NCOA6: variants seen among roughly 807,000 people sequenced by gnomAD.
NCOA6 encodes NRC RAP250.
In NCOA6, 49 loss-of-function variants were observed where a neutral mutation model predicts 171.4. That is an observed-to-expected ratio of 0.29 (90% CI 0.23 to 0.36). The LOEUF (loss-of-function observed/expected upper bound fraction) is 0.36. Among genes scored for constraint, NCOA6 ranks in the 10% least tolerant of loss-of-function variants. The pLI is 1.00. For synonymous variants in NCOA6, 910 were observed against 927.5 expected (o/e 0.98, Z 0.34); for missense variants, 2,248 against 2,554.5 (o/e 0.88, Z 2.59).
chr20:34,803,497 A>G (rs1483015648), intron 1 of NCOA6, among the ~76,000 whole-genome samples: 4 of 151,870 alleles, frequency 2.6e-5, no homozygotes, highest in Admixed American at 1.3e-4. Context: ...ACAAAAAAAC[A>G]AAGTGAAATG....
intron 1 of NCOA6, chr20:34,821,768 T>C (rs1205524155): frequency 6.6e-6 from 1 of 152,146 alleles, no homozygotes; most frequent in Non-Finnish European, 1.5e-5. Flanking sequence ...TTTGTATTTT[T>C]AGTAGAGATG....
intron 14 of NCOA6, among the ~76,000 whole-genome samples, chr20:34,719,886 T>C (rs1989107332): frequency 6.6e-6 from 1 of 152,246 alleles, no homozygotes; most frequent in Non-Finnish European, 1.5e-5. Flanking sequence ...TAAATGTATG[T>C]TCACTTGCAT....
At position 34,742,401 on chromosome 20, in the gene NCOA6, T is replaced by A. The variant is rs769062649; in HGVS notation, c.3855A>T (p.Gln1285His). The change falls in exon 11 of 15, where the codon CAA becomes CAT. Residue 1285 changes from glutamine to histidine, a missense_variant. Physicochemically the swap from Gln to His is conservative, Grantham distance 24. Transcript: ENST00000359003. The stretch of plus-strand genomic sequence containing the variant: ...GATTCATGGTAAGATTTGAAGGTGC[T>A]TGCCCGATGGCCTTCAAAGTTGTTG... Reference protein sequence around the residue: ...LNPTTLKAIGQAPSNLTMNPS... With the variant: ...LNPTTLKAIGHAPSNLTMNPS... 15 of 1,614,242 alleles carry A rather than the reference T, an allele frequency of 9.3e-6. No homozygotes were observed. The highest frequency in any genetic ancestry group is 5.0e-5 in the Admixed American group (3 of 60,024).
At chr20:34,758,982 G>A (rs370985960) in intron 5 of NCOA6, 49 bp from the exon 6 acceptor site, 4 of 1,549,508 alleles carry the variant, frequency 2.6e-6, no homozygotes, top group Middle Eastern at 1.9e-4. Flanking sequence ...CACAATTTTT[G>A]TTTTTTAATG....
chr20:34,822,243 T>C (rs1423896509), intron 1 of NCOA6, among the ~76,000 whole-genome samples: 1 of 152,170 alleles, frequency 6.6e-6, no homozygotes, highest in African/African-American at 2.4e-5. Flanking sequence ...TCGAAGATCT[T>C]GAATGCCTCT....
chr20:34,724,297 T>G (rs889410323), intron 14 of NCOA6, among the ~76,000 whole-genome samples: 2 of 152,200 alleles, frequency 1.3e-5, no homozygotes, highest in Non-Finnish European at 2.9e-5. Flanking sequence ...GATGGTACTT[T>G]GTACACCTCA....
At chr20:34,774,559 A>G (rs1450846559) in intron 4 of NCOA6, among the ~76,000 whole-genome samples, 1 of 152,200 alleles carries the variant, frequency 6.6e-6, no homozygotes, top group Non-Finnish European at 1.5e-5. Flanking sequence ...TCACTCCTAT[A>G]AACAAAATGA....
chr20:34,818,421 CACT>C (rs1452102821), intron 1 of NCOA6, among the ~76,000 whole-genome samples: 12 of 152,194 alleles, frequency 7.9e-5, no homozygotes, highest in African/African-American at 2.9e-4. Flanking sequence ...AAAGAAAAGC[CACT>C]ACTACTATTA....
chr20:34,747,164 T>TC (rs1294920436), intron 9 of NCOA6, among the ~76,000 whole-genome samples: 1 of 152,218 alleles, frequency 6.6e-6, no homozygotes, highest in Non-Finnish European at 1.5e-5. Context: ...CAGAATGCTT[T>TC]CCACAAATTC....
intron 1 of NCOA6, among the ~76,000 whole-genome samples, chr20:34,799,620 A>C (rs898786233): frequency 6.6e-6 from 1 of 152,236 alleles, no homozygotes; most frequent in African/African-American, 2.4e-5. Context: ...ATTTTAAAAA[A>C]TACAATGGAA....
chr20:34,806,832 T>C (rs193054079), intron 1 of NCOA6, among the ~76,000 whole-genome samples: 1 of 152,334 alleles, frequency 6.6e-6, no homozygotes, highest in Non-Finnish European at 1.5e-5. Context: ...AGTCAAGAAG[T>C]GTACTGCCTC....
At chr20:34,764,779 C>T (rs533251828) in intron 5 of NCOA6, among the ~76,000 whole-genome samples, 22 of 151,998 alleles carry the variant, frequency 1.4e-4, no homozygotes, top group Admixed American at 5.9e-4. Context: ...TCTGAGGAAT[C>T]GCACCTGGTT....
chr20:34,733,310 A>C (rs947958127), intron 12 of NCOA6, among the ~76,000 whole-genome samples: 1 of 152,148 alleles, frequency 6.6e-6, no homozygotes, highest in East Asian at 1.9e-4. Context: ...GATAGCAGTG[A>C]TCTATCCTGC....
chr20:34,749,396 A>T lies in NCOA6; in HGVS notation c.2792+7T>A. 2 of 1,580,528 alleles carry T rather than the reference A, an allele frequency of 1.3e-6. No homozygotes were observed. The highest frequency in any genetic ancestry group is 1.7e-6 in the Non-Finnish European group (2 of 1,163,482). ...ATAAAATTTGAGGCAAAACCATCAC[A>T]ACCTACTTTAGATCTTGCTGACTAT... On this transcript the variant is annotated splice_region_variant and intron_variant, in intron 9 of 14. Transcript: ENST00000359003.
In NCOA6 at chr20:34,736,710, T is replaced by C. The variant is rs2075970269; in HGVS notation, c.5942A>G (p.Gln1981Arg). 6 of 1,610,704 alleles carry C rather than the reference T, an allele frequency of 3.7e-6. No individual in the cohort carries two copies. The highest frequency in any genetic ancestry group is 5.1e-6 in the Non-Finnish European group (6 of 1,178,210). The part of the protein sequence containing the change: ...VSKETSTTAL[Q>R]ASVARPELEV... ...CTTACCTGGTCTGGCAACAGAGGCC[T>C]GCAGTGCTGTGGTTGAAGTTTCCTT... The change falls in exon 12 of 15, where the codon CAG becomes CGG. Residue 1981 changes from glutamine to arginine, a missense_variant. Gln to Arg is a conservative substitution (Grantham distance 43). Around this residue, in one of 7 missense-constraint regions of NCOA6, gnomAD observed 884 missense variants for 941.9 expected, o/e 0.94. Coordinates refer to ENST00000359003, the MANE Select transcript of NCOA6 (RefSeq NM_014071.5).
intron 13 of NCOA6, among the ~76,000 whole-genome samples, chr20:34,728,301 T>G (rs1429171199): frequency 5.3e-5 from 8 of 152,086 alleles, no homozygotes; most frequent in African/African-American, 1.4e-4. Context: ...CTTTTCTTAG[T>G]ATATGAAGAT....
At chr20:34,823,187 C>T (rs2079057370) in intron 1 of NCOA6, among the ~76,000 whole-genome samples, 1 of 151,910 alleles carries the variant, frequency 6.6e-6, no homozygotes, top group Non-Finnish European at 1.5e-5. Context: ...GAAAGGGGTC[C>T]ATGGCACAGA....
At chr20:34,759,737 A>G (rs1005609674) in intron 5 of NCOA6, among the ~76,000 whole-genome samples, 5 of 152,128 alleles carry the variant, frequency 3.3e-5, no homozygotes, top group Non-Finnish European at 5.9e-5. Flanking sequence ...CTTTATTCTT[A>G]TAATTTTGCA....
intron 5 of NCOA6, among the ~76,000 whole-genome samples, chr20:34,760,780 A>T (rs1035769166): frequency 6.6e-6 from 1 of 152,086 alleles, no homozygotes; most frequent in South Asian, 2.1e-4. Context: ...TATTTTTTCT[A>T]TTCTTTTTAA....
Sources: allele counts gnomAD v4.1 joint callset (sites outside exome capture counted in the v4.1 genomes callset), GRCh38; gene constraint gnomAD v4.1.1; regional missense constraint gnomAD v4.1.1; transcripts MANE v1.5; gene names NCBI Gene and HGNC (gene_info 2026-07-23, HGNC 2026-07-21).